TMPO: variants seen among roughly 807,000 people sequenced by gnomAD.
TMPO encodes the protein thymopoietin, also known as LEM domain containing 4.
Under a neutral mutation model 45.4 loss-of-function variants are expected in TMPO, and 22 were observed. The observed-to-expected ratio is 0.48, with a 90% confidence interval of 0.35 to 0.69. The LOEUF (loss-of-function observed/expected upper bound fraction) is 0.69, where lower values mean the gene tolerates loss of function less well. Among genes scored for constraint, TMPO ranks in the 30% least tolerant of loss-of-function variants. TMPO has a pLI of 0.01. For missense variants in TMPO, 512 were observed against 548.8 expected, an observed-to-expected ratio of 0.93 and a Z score of 0.67; for synonymous variants, 241 against 204.1, an observed-to-expected ratio of 1.18 and a Z score of -1.54.
intron 1 of TMPO, among the ~76,000 whole-genome samples, chr12:98,523,750 G>A (rs1307209375): frequency 1.3e-5 from 2 of 151,930 alleles, no homozygotes; most frequent in Non-Finnish European, 2.9e-5. Flanking sequence ...ATCTTGGCTC[G>A]CTGCAATCTC....
intron 1 of TMPO, among the ~76,000 whole-genome samples, chr12:98,526,190 T>A (rs138461886): frequency 5.6e-4 from 86 of 152,346 alleles, no homozygotes; most frequent in African/African-American, 1.9e-3. Flanking sequence ...CAGAAGTTAA[T>A]CTGGTGACTA....
At chr12:98,534,777 G>A (rs1229810683) in intron 3 of TMPO, 1 of 1,007,780 alleles carries the variant, frequency 9.9e-7, no homozygotes, top group African/African-American at 1.7e-5. Context: ...TTTTATCTCA[G>A]TATCTTTTCA....
At chr12:98,544,151 T>C (rs1878079926) in intron 4 of TMPO, 79 bp from the exon 5 acceptor site, 1 of 1,521,154 alleles carries the variant, frequency 6.6e-7, no homozygotes, top group Admixed American at 1.7e-5. Flanking sequence ...ATTTCATGGC[T>C]TCTCAGTGTG....
chr12:98,533,921 C>T, intron 3 of TMPO: 1 of 1,614,138 alleles, frequency 6.2e-7, no homozygotes. Context: ...GGTATTCAAG[C>T]AGCCTCCACT....
In TMPO at chr12:98,533,454, T is replaced by C. The variant is rs147635314; in HGVS notation, c.565+1616T>C. ...GTAGTTTGCCTGGAACTTCTAACTCTATGCCCCCACTGGATGTAGAAAACA... is the reference window on the plus strand; with the variant it reads ...GTAGTTTGCCTGGAACTTCTAACTCCATGCCCCCACTGGATGTAGAAAACA... On this transcript the variant is annotated intron_variant, in intron 3 of 8. Transcript: ENST00000556029. The C allele has an allele frequency of 5.4e-5, 87 of 1,614,062 alleles. No individual in the cohort carries two copies. Among genetic ancestry groups the C allele is most frequent in the South Asian group, 1.2e-4 (11 of 91,090 alleles).
At chr12:98,531,258 T>TTA in intron 2 of TMPO, among the ~76,000 whole-genome samples, 1 of 146,120 alleles carries the variant, frequency 6.8e-6, no homozygotes, top group Non-Finnish European at 1.5e-5. Flanking sequence ...TTTTTTTTTT[T>TTA]AAGACAGCAT....
At chr12:98,547,550 T>C (rs1288566151) in intron 8 of TMPO, 23 bp from the exon 9 acceptor site, 11 of 1,613,842 alleles carry the variant, frequency 6.8e-6, no homozygotes, top group African/African-American at 1.3e-5. Flanking sequence ...TTATTTTTCT[T>C]TTCCTCCTTT....
At chr12:98,518,126 C>T (rs932831859) in intron 1 of TMPO, among the ~76,000 whole-genome samples, 1 of 110,412 alleles carries the variant, frequency 9.1e-6, no homozygotes, top group African/African-American at 3.5e-5. Flanking sequence ...GCCTGGGGGA[C>T]AAGAGCGAGA....
At chr12:98,534,587 AGTT>A in intron 3 of TMPO, 1 of 1,273,294 alleles carries the variant, frequency 7.9e-7, no homozygotes, top group African/African-American at 1.5e-5. Flanking sequence ...TTAGTCTCTA[AGTT>A]GTTTTCTGTT....
chr12:98,547,975 TG>T lies in TMPO; in HGVS notation c.*118del, dbSNP rs1286577844. On this transcript the variant is annotated 3_prime_UTR_variant, in exon 9 of 9. Transcript: ENST00000556029. ...AATAATGTGATTTCGCCTCAATAAA[TG>T]TAGTATTTCATTGAAAAGCAAACAA... The T allele has an allele frequency of 8.2e-7, 1 of 1,219,382 alleles. No homozygotes were observed. Among genetic ancestry groups the T allele is most frequent in the Non-Finnish European group, 1.2e-6 (1 of 860,586 alleles). 75.5% of individuals were successfully genotyped at this position (1,219,382 alleles called of 1,614,324 possible). A position where few individuals can be genotyped will look rare whatever the true frequency, so the allele number is the denominator to read the frequency against.
intron 1 of TMPO, among the ~76,000 whole-genome samples, chr12:98,520,692 C>T (rs566318458): frequency 1.3e-5 from 2 of 151,516 alleles, no homozygotes; most frequent in African/African-American, 2.4e-5. Flanking sequence ...GGTGCAATCT[C>T]GGCTCCCTGC....
chr12:98,518,470 CTTTTTTTTTT>C (rs11437786), intron 1 of TMPO, among the ~76,000 whole-genome samples: 2 of 83,540 alleles, frequency 2.4e-5, no homozygotes, highest in Admixed American at 1.4e-4. Context: ...ATTTTCTAAT[CTTTTTTTTTT>C]TTTTTTTTTT....
chr12:98,543,991 A>G (rs1263468522), intron 4 of TMPO, among the ~76,000 whole-genome samples: 4 of 152,140 alleles, frequency 2.6e-5, no homozygotes, highest in Non-Finnish European at 5.9e-5. Flanking sequence ...CATAATGTTT[A>G]TAATTTGTGA....
rs577259514 is a variant in TMPO at position 98,545,134 on chromosome 12, T to G, written c.990+73T>G. On this transcript the variant is annotated intron_variant, in intron 7 of 8. Transcript: ENST00000556029. ...GGAAATATAAATATTTGTTTGTTTT[T>G]TTTTTTTTTTTTTGGAGTGGGAGGG... is the stretch of plus-strand genomic sequence containing the variant. 6.6e-4 allele frequency: 748 copies of G among 1,126,730 alleles called. 1 individual carries two copies. The highest frequency in any genetic ancestry group is 4.7e-3 in the Middle Eastern group (21 of 4,498). The allele number at this position is 1,126,730 out of a possible 1,614,324, so 69.8% of individuals were successfully genotyped here.
intron 3 of TMPO, chr12:98,535,044 T>C: frequency 2.4e-6 from 2 of 817,232 alleles, no homozygotes; most frequent in Non-Finnish European, 3.0e-6. Context: ...TACACTCTGA[T>C]GCAAGTAATT....
Position 98,531,770 on chromosome 12 carries a change from C to T in TMPO, c.497C>T (p.Ser166Phe). ...TCTTCTACTCCTCTGCCAACAATTT[C>T]TTCTTCAGCAGAAAATACAAGGCAG... ...SRSSTPLPTI[S>F]SSAENTRQNG... Residue 166 changes from serine to phenylalanine, a missense_variant, in exon 3 of 9, where the codon TCT becomes TTT. Physicochemically the swap from Ser to Phe is radical, Grantham distance 155 (BLOSUM62 -2). Around this residue, in one of 3 missense-constraint regions of TMPO, gnomAD observed 299 missense variants for 296.7 expected, o/e 1.01. Transcript: ENST00000556029. The T allele has an allele frequency of 6.2e-7, 1 of 1,613,836 alleles. No individual in the cohort carries two copies. Among genetic ancestry groups the T allele is most frequent in the Non-Finnish European group, 8.5e-7 (1 of 1,179,868 alleles).
In TMPO at chr12:98,545,025, C is replaced by G; in HGVS notation, c.954C>G (p.Pro318=). ...CAATCACTGAATTCTCAGACATACC[C>G]AGAAGAGCACCAAAGAAACCATTGA... is the stretch of plus-strand genomic sequence containing the variant. ...ILPITEFSDI[P]RRAPKKPLTR... The change falls in exon 7 of 9, where the codon CCC becomes CCG. Residue 318 remains proline (P), a synonymous_variant. Transcript: ENST00000556029. The G allele has an allele frequency of 6.2e-7, 1 of 1,613,520 alleles. No homozygotes were observed. The highest frequency in any genetic ancestry group is 8.5e-7 in the Non-Finnish European group (1 of 1,179,824).
chr12:98,518,669 T>C (rs1311141903), intron 1 of TMPO, among the ~76,000 whole-genome samples: 1 of 151,998 alleles, frequency 6.6e-6, no homozygotes, highest in Non-Finnish European at 1.5e-5. Flanking sequence ...TATGTCCCCA[T>C]CTACCTTGTG....
rs1877279522 is a variant in TMPO at position 98,532,686 on chromosome 12, C to T, written c.565+848C>T. 1.1e-5 allele frequency: 14 copies of T among 1,236,950 alleles called. No individual in the cohort carries two copies. In the East Asian group the frequency reaches 3.3e-4, roughly 29 times the overall value. The allele number at this position is 1,236,950 out of a possible 1,614,324, so 76.6% of individuals were successfully genotyped here. The stretch of plus-strand genomic sequence containing the variant: ...TCTCAATAAGCTTTGTCTACCAGGG[C>T]AAATCTGGCAGATTAGTTCAGAATA... On this transcript the variant is annotated intron_variant, in intron 3 of 8. Transcript: ENST00000556029.
Sources: allele counts gnomAD v4.1 joint callset (sites outside exome capture counted in the v4.1 genomes callset), GRCh38; gene constraint gnomAD v4.1.1; regional missense constraint gnomAD v4.1.1; transcripts MANE v1.5; gene names NCBI Gene and HGNC (gene_info 2026-07-23, HGNC 2026-07-21).